Variants in SKAP1 observed in about 807,000 individuals in gnomAD.
SKAP1 encodes src kinase associated phosphoprotein 1.
In SKAP1, 44 loss-of-function variants were observed where a neutral mutation model predicts 58.5. That is an observed-to-expected ratio of 0.75 (90% CI 0.59 to 0.97). SKAP1 has a LOEUF of 0.97. SKAP1 is among the 50% of genes least tolerant of loss of function. SKAP1 has a pLI of 0.00. For missense variants in SKAP1, 390 were observed against 435.2 expected (o/e 0.90, Z 0.92); for synonymous variants, 127 against 149.7 (o/e 0.85, Z 1.11).
At chr17:48,325,206 G>A (rs897621771) in intron 4 of SKAP1, among the ~76,000 whole-genome samples, 1 of 137,076 alleles carries the variant, frequency 7.3e-6, no homozygotes, top group African/African-American at 2.8e-5. Context: ...CGGAGAGCAG[G>A]CCACTGCACT....
At chr17:48,150,077 T>C (rs2063882821) in intron 11 of SKAP1, among the ~76,000 whole-genome samples, 1 of 152,222 alleles carries the variant, frequency 6.6e-6, no homozygotes, top group African/African-American at 2.4e-5. Context: ...TTAGCAGCGA[T>C]TGAAATTAAC....
intron 4 of SKAP1, among the ~76,000 whole-genome samples, chr17:48,241,935 G>A (rs142093846): frequency 2.2e-4 from 34 of 152,254 alleles, no homozygotes; most frequent in East Asian, 1.9e-3. Flanking sequence ...CAAGGCTCCT[G>A]ACACATCCTG....
chr17:48,135,857 C>A (rs2063690401), intron 12 of SKAP1, among the ~76,000 whole-genome samples: 1 of 152,194 alleles, frequency 6.6e-6, no homozygotes, highest in South Asian at 2.1e-4. Flanking sequence ...ATAAGGAATC[C>A]TCATATTGGA....
chr17:48,166,977 C>T (rs549802805), intron 10 of SKAP1, among the ~76,000 whole-genome samples: 1 of 152,066 alleles, frequency 6.6e-6, no homozygotes, highest in South Asian at 2.1e-4. Flanking sequence ...CTATCTTCCC[C>T]CTGCAGCCTC....
At chr17:48,226,854 C>T (rs1173381492) in intron 4 of SKAP1, among the ~76,000 whole-genome samples, 2 of 152,074 alleles carry the variant, frequency 1.3e-5, no homozygotes, top group East Asian at 3.8e-4. Context: ...GAGCTCGCAC[C>T]CTCCACCAAG....
intron 4 of SKAP1, chr17:48,248,946 AG>A (rs1307188650): frequency 6.6e-6 from 1 of 152,268 alleles, no homozygotes; most frequent in African/African-American, 2.4e-5. Context: ...CAGTAATCCC[AG>A]CACTTTGGGA....
At chr17:48,388,383 G>A (rs904107564) in intron 2 of SKAP1, among the ~76,000 whole-genome samples, 3 of 152,062 alleles carry the variant, frequency 2.0e-5, no homozygotes, top group Admixed American at 6.6e-5. Context: ...GCAGTAAGCC[G>A]AGATCACGCC....
chr17:48,250,347 TC>T (rs2065349431), intron 4 of SKAP1, among the ~76,000 whole-genome samples: 2 of 142,322 alleles, frequency 1.4e-5, no homozygotes, highest in South Asian at 5.0e-4. Context: ...AGTGGCATGA[TC>T]TCAGTTCACT....
intron 4 of SKAP1, among the ~76,000 whole-genome samples, chr17:48,254,841 A>G (rs975866851): frequency 1.3e-5 from 2 of 152,042 alleles, no homozygotes; most frequent in African/African-American, 4.8e-5. Flanking sequence ...AACTTCAATA[A>G]TACAAGCAAA....
chr17:48,400,122 G>T (rs1010400487), intron 1 of SKAP1, among the ~76,000 whole-genome samples: 2 of 144,958 alleles, frequency 1.4e-5, no homozygotes, highest in East Asian at 2.0e-4. Flanking sequence ...TTTTTGAGAC[G>T]GAGTCTCACT....
At chr17:48,281,086 C>T (rs749017392) in intron 4 of SKAP1, among the ~76,000 whole-genome samples, 11 of 151,716 alleles carry the variant, frequency 7.3e-5, no homozygotes, top group African/African-American at 1.5e-4. Flanking sequence ...AGTGCAGTGG[C>T]GTGATCTTGG....
At chr17:48,405,791 C>T (rs1036576814) in intron 1 of SKAP1, among the ~76,000 whole-genome samples, 5 of 151,426 alleles carry the variant, frequency 3.3e-5, no homozygotes, top group African/African-American at 9.7e-5. Context: ...AGCCACCGTG[C>T]CTGGCCCCGA....
At chr17:48,327,082 G>A (rs2066448096) in intron 4 of SKAP1, among the ~76,000 whole-genome samples, 1 of 151,904 alleles carries the variant, frequency 6.6e-6, no homozygotes, top group African/African-American at 2.4e-5. Flanking sequence ...GTAGAGACGG[G>A]GTTTTGCCAT....
intron 11 of SKAP1, among the ~76,000 whole-genome samples, chr17:48,141,977 C>T (rs902489767): frequency 1.1e-4 from 16 of 152,172 alleles, no homozygotes; most frequent in Non-Finnish European, 5.9e-5. Flanking sequence ...CCCGGTTACA[C>T]GGTCCACAGT....
chr17:48,275,138 T>G (rs1295931885), intron 4 of SKAP1, among the ~76,000 whole-genome samples: 2 of 152,232 alleles, frequency 1.3e-5, no homozygotes, highest in Non-Finnish European at 2.9e-5. Context: ...TCTGTACTGA[T>G]GCTTCCACTT....
intron 4 of SKAP1, among the ~76,000 whole-genome samples, chr17:48,342,502 T>C (rs1359688882): frequency 7.9e-6 from 1 of 126,972 alleles, no homozygotes; most frequent in Non-Finnish European, 1.6e-5. Flanking sequence ...TCTAGCACTC[T>C]TTGTAGTTTT....
intron 4 of SKAP1, among the ~76,000 whole-genome samples, chr17:48,193,280 G>T (rs2064574563): frequency 6.6e-6 from 1 of 151,966 alleles, no homozygotes; most frequent in Non-Finnish European, 1.5e-5. Flanking sequence ...TGACCCCAGG[G>T]GATCCAGCCG....
chr17:48,150,484 C>T (rs11079810), intron 11 of SKAP1, among the ~76,000 whole-genome samples: 23,860 of 152,158 alleles, frequency 0.16, 2,582 homozygotes, highest in African/African-American at 0.3. Context: ...GATCAGCCAA[C>T]ACCCTTTCTA....
chr17:48,311,197 G>A (rs1368582429), intron 4 of SKAP1, among the ~76,000 whole-genome samples: 1 of 152,122 alleles, frequency 6.6e-6, no homozygotes, highest in East Asian at 1.9e-4. Context: ...CACTGCAAAC[G>A]ACAGAAGCAT....
Sources: gnomAD v4.1 joint callset for allele counts (sites outside exome capture counted in the v4.1 genomes callset) on GRCh38, gnomAD v4.1.1 for gene constraint, MANE v1.5 for transcripts, NCBI Gene and HGNC (gene_info 2026-07-23, HGNC 2026-07-21) for gene names.